Variants in LRRC4C observed in about 807,000 individuals in gnomAD.
LRRC4C encodes leucine rich repeat containing 4C, also known as leucine-rich repeat-containing protein 4C.
LRRC4C carries 5 observed loss-of-function variants against 33.6 expected under a neutral mutation model. That is an observed-to-expected ratio of 0.15 (90% CI 0.08 to 0.31). LRRC4C has a LOEUF of 0.31. Among genes scored for constraint, LRRC4C ranks in the 10% least tolerant of loss-of-function variants. LRRC4C has a pLI of 1.00. For missense variants in LRRC4C, 560 were observed against 796.7 expected, an observed-to-expected ratio of 0.70 and a Z score of 3.58; for synonymous variants, 329 against 302.0, an observed-to-expected ratio of 1.09 and a Z score of -0.93.
At chr11:40,495,299 C>G (rs978638394) in intron 3 of LRRC4C, among the ~76,000 whole-genome samples, 5 of 152,126 alleles carry the variant, frequency 3.3e-5, no homozygotes, top group Admixed American at 6.5e-5. Flanking sequence ...CCGCCCCCCC[C>G]GCCAGAAAAA....
intron 3 of LRRC4C, among the ~76,000 whole-genome samples, chr11:40,528,683 T>G (rs145005871): frequency 3.7e-3 from 560 of 152,210 alleles, no homozygotes; most frequent in Middle Eastern, 6.8e-3. Context: ...AAAAGATATC[T>G]GTACTCCCAA....
chr11:40,681,709 G>C (rs1944698458), intron 2 of LRRC4C, among the ~76,000 whole-genome samples: 1 of 152,058 alleles, frequency 6.6e-6, no homozygotes, highest in African/African-American at 2.4e-5. Context: ...AGACCAGCCT[G>C]GGCAGCATGG....
chr11:40,427,821 C>T (rs1160693975), intron 3 of LRRC4C, among the ~76,000 whole-genome samples: 1 of 151,958 alleles, frequency 6.6e-6, no homozygotes, highest in Non-Finnish European at 1.5e-5. Context: ...CAGAGTGAGA[C>T]TGTCTTAAAA....
chr11:41,332,002 C>T (rs1317276260), intron 1 of LRRC4C, among the ~76,000 whole-genome samples: 3 of 152,182 alleles, frequency 2.0e-5, no homozygotes, highest in African/African-American at 7.2e-5. Flanking sequence ...CATATTACTT[C>T]TTAACCTTAT....
intron 2 of LRRC4C, among the ~76,000 whole-genome samples, chr11:40,715,666 T>C (rs755394124): frequency 2.6e-5 from 4 of 152,138 alleles, no homozygotes; most frequent in African/African-American, 4.8e-5. Flanking sequence ...GAACAGAATA[T>C]GGCAAGGAAA....
At chr11:40,427,834 A>G (rs1470789992) in intron 3 of LRRC4C, among the ~76,000 whole-genome samples, 2 of 152,274 alleles carry the variant, frequency 1.3e-5, no homozygotes, top group Non-Finnish European at 2.9e-5. Flanking sequence ...TCTTAAAAAA[A>G]CAAAAGACCA....
intron 3 of LRRC4C, among the ~76,000 whole-genome samples, chr11:40,494,432 A>G (rs1023219868): frequency 3.9e-5 from 6 of 152,294 alleles, no homozygotes; most frequent in Middle Eastern, 6.8e-3. Context: ...TTCAAGATAG[A>G]GAATAGTGAT....
chr11:41,093,249 T>C (rs893185256), intron 1 of LRRC4C, among the ~76,000 whole-genome samples: 1 of 152,212 alleles, frequency 6.6e-6, no homozygotes, highest in Non-Finnish European at 1.5e-5. Context: ...AACAGACACA[T>C]GTAGCCAAAG....
At chr11:40,979,607 GA>G (rs550187731) in intron 1 of LRRC4C, among the ~76,000 whole-genome samples, 456 of 152,266 alleles carry the variant, frequency 3.0e-3, no homozygotes, top group Non-Finnish European at 5.5e-3. Flanking sequence ...CAATGTTAAT[GA>G]AAATTTGAGA....
intron 1 of LRRC4C, among the ~76,000 whole-genome samples, chr11:41,329,154 T>C (rs1951215752): frequency 6.6e-6 from 1 of 152,210 alleles, no homozygotes; most frequent in African/African-American, 2.4e-5. Context: ...TGGTAACTCA[T>C]GATAGAAAAG....
rs1042885137 is a variant in LRRC4C at position 40,699,417 on chromosome 11, C to T, written c.-406-51139G>A. ...TTTTAAAAATCATTTATATTGAAGGCTAACCCAGTTTATCATGTCTAACAT... is the reference window on the plus strand; with the variant it reads ...TTTTAAAAATCATTTATATTGAAGGTTAACCCAGTTTATCATGTCTAACAT... On this transcript the variant is annotated intron_variant, in intron 2 of 6. Coordinates refer to ENST00000528697, the MANE Select transcript of LRRC4C (RefSeq NM_001258419.2). Among the ~76,000 whole-genome samples the T allele has an allele frequency of 3.9e-5, 6 of 152,138 alleles. 1 individual carries two copies. Among genetic ancestry groups the T allele is most frequent in the African/African-American group, 1.2e-4 (5 of 41,440 alleles).
At chr11:40,445,767 TTAA>T (rs1951606080) in intron 3 of LRRC4C, 1 of 152,246 alleles carries the variant, frequency 6.6e-6, no homozygotes, top group South Asian at 2.1e-4. Context: ...TTCCCCTGTG[TTAA>T]TGAGTGGATG....
At chr11:40,377,929 A>G (rs1590518546) in intron 3 of LRRC4C, among the ~76,000 whole-genome samples, 1 of 152,054 alleles carries the variant, frequency 6.6e-6, no homozygotes, top group Admixed American at 6.6e-5. Context: ...TAGATTATAA[A>G]AAGAAGGAAT....
chr11:40,540,903 G>T (rs980789943), intron 3 of LRRC4C, among the ~76,000 whole-genome samples: 1 of 152,118 alleles, frequency 6.6e-6, no homozygotes, highest in Admixed American at 6.6e-5. Flanking sequence ...CATGTCAACA[G>T]TGATTATCCC....
intron 5 of LRRC4C, among the ~76,000 whole-genome samples, chr11:40,209,066 C>A (rs928502577): frequency 6.6e-6 from 1 of 151,822 alleles, no homozygotes; most frequent in Admixed American, 6.6e-5. Flanking sequence ...ACCTGTATCC[C>A]GGCAATTTAC....
chr11:40,139,575 C>T (rs1418313758), intron 6 of LRRC4C, among the ~76,000 whole-genome samples: 1 of 152,102 alleles, frequency 6.6e-6, no homozygotes, highest in African/African-American at 2.4e-5. Context: ...AAATGACATT[C>T]ATTAAAAGGG....
chr11:41,444,082 C>T (rs910962024), intron 1 of LRRC4C, among the ~76,000 whole-genome samples: 5 of 151,962 alleles, frequency 3.3e-5, no homozygotes, highest in African/African-American at 9.7e-5. Flanking sequence ...AAGGAATTTC[C>T]GAACCTCTAA....
chr11:41,008,320 G>A (rs748608947), intron 1 of LRRC4C, among the ~76,000 whole-genome samples: 18 of 152,098 alleles, frequency 1.2e-4, no homozygotes, highest in Non-Finnish European at 2.2e-4. Flanking sequence ...CTCTTTAACT[G>A]GCCTACAAAA....
intron 1 of LRRC4C, among the ~76,000 whole-genome samples, chr11:41,222,382 C>T (rs779685681): frequency 3.3e-5 from 5 of 152,144 alleles, no homozygotes; most frequent in Admixed American, 6.6e-5. Flanking sequence ...AGAGCAGGCT[C>T]ATTTGAAAAC....
Sources: gnomAD v4.1 joint callset for allele counts (sites outside exome capture counted in the v4.1 genomes callset) on GRCh38, gnomAD v4.1.1 for gene constraint, MANE v1.5 for transcripts, NCBI Gene and HGNC (gene_info 2026-07-23, HGNC 2026-07-21) for gene names.